The following CIT variants were observed in gnomAD, a reference collection of about 807,000 sequenced individuals.
CIT encodes the protein citron rho-interacting serine/threonine kinase, also known as citron Rho-interacting kinase.
Under a neutral mutation model 272.7 loss-of-function variants are expected in CIT, and 79 were observed. The observed-to-expected ratio is 0.29, with a 90% confidence interval of 0.24 to 0.35. The LOEUF is 0.35. Among genes scored for constraint, CIT ranks in the 10% least tolerant of loss-of-function variants. The pLI is 1.00. For missense variants in CIT, 1,909 were observed against 2,618.3 expected, an observed-to-expected ratio of 0.73 and a Z score of 5.91; for synonymous variants, 948 against 995.6, an observed-to-expected ratio of 0.95 and a Z score of 0.90.
chr12:119,823,090 A>T, intron 8 of CIT, 117 bp from the exon 9 acceptor site: 1 of 1,117,292 alleles, frequency 9.0e-7, no homozygotes, highest in South Asian at 1.7e-5. Flanking sequence ...TTTTTAGAGA[A>T]GGAAGTTTCG....
chr12:119,828,325 C>A (rs562924450), intron 7 of CIT, among the ~76,000 whole-genome samples: 1 of 152,138 alleles, frequency 6.6e-6, no homozygotes, highest in African/African-American at 2.4e-5. Flanking sequence ...AATTAACAAA[C>A]ATTTTTAATG....
chr12:119,722,386 T>G (rs749203631), intron 28 of CIT, among the ~76,000 whole-genome samples: 1 of 152,136 alleles, frequency 6.6e-6, no homozygotes, highest in Non-Finnish European at 1.5e-5. Flanking sequence ...CACTGGAGAT[T>G]CCAAAAGGCC....
chr12:119,752,240 A>G lies in CIT; in HGVS notation c.2714T>C (p.Leu905Pro). The change falls in exon 23 of 48, where the codon CTA becomes CCA. Residue 905 changes from leucine to proline, a missense_variant. Coordinates refer to ENST00000392521, the MANE Select transcript of CIT (RefSeq NM_001206999.2). ...CTCCAGTTTCTGCTCCTCGTGCTCTAGACTGACCTGAGACAGAGAGAGAGA... is the reference window on the plus strand; with the variant it reads ...CTCCAGTTTCTGCTCCTCGTGCTCTGGACTGACCTGAGACAGAGAGAGAGA... ...ELETRLREVS[L>P]EHEEQKLELK... 1 of 1,605,504 alleles carries G rather than the reference A, an allele frequency of 6.2e-7. No individual in the cohort carries two copies. The highest frequency in any genetic ancestry group is 8.5e-7 in the Non-Finnish European group (1 of 1,178,418).
chr12:119,709,034 G>A (rs528617651), intron 39 of CIT, among the ~76,000 whole-genome samples: 2 of 152,286 alleles, frequency 1.3e-5, no homozygotes, highest in Admixed American at 6.5e-5. Flanking sequence ...CAGATTAAAG[G>A]AGACTAGAGA....
In CIT at chr12:119,714,377, G is replaced by C. The variant is rs1024819393; in HGVS notation, c.4169-43C>G. 5.0e-6 allele frequency: 8 copies of C among 1,607,928 alleles called. No homozygotes were observed. In the Middle Eastern group the frequency reaches 6.6e-4, roughly 133 times the overall value. On this transcript the variant is annotated intron_variant, in intron 32 of 47. Transcript: ENST00000392521. ...AAAAAATCATTAGAGTACTGCAAAT[G>C]ATCCCATCAGGAAAGTGAAAAGACA...
At chr12:119,858,260 T>C (rs1040302517) in intron 3 of CIT, among the ~76,000 whole-genome samples, 1 of 152,220 alleles carries the variant, frequency 6.6e-6, no homozygotes, top group Non-Finnish European at 1.5e-5. Context: ...CTGACGCCTG[T>C]AATCCCAACA....
rs1157467178 is a variant in CIT, at chr12:119,862,808, T to TAAAAAAA, written c.239-5117_239-5111dup. 3.8e-3 allele frequency among the ~76,000 whole-genome samples: 39 copies of TAAAAAAA among 10,244 alleles called. 2 individuals are homozygous for TAAAAAAA. Among genetic ancestry groups the TAAAAAAA allele is most frequent in the African/African-American group, 0.011 (35 of 3,190 alleles). 6.7% of individuals were successfully genotyped at this position (10,244 alleles called of 152,430 possible). A position where few individuals can be genotyped will look rare whatever the true frequency, so the allele number is the denominator to read the frequency against. On this transcript the variant is annotated intron_variant, in intron 3 of 47. Transcript: ENST00000392521. ...CTGGGTGACAGAGCAAGACTCTACC[T>TAAAAAAA]AAAAAAAAAAAAAAAAAAAAAAAAA...
intron 17 of CIT, among the ~76,000 whole-genome samples, chr12:119,771,496 A>AC (rs765047463): frequency 6.6e-6 from 1 of 152,188 alleles, no homozygotes; most frequent in Non-Finnish European, 1.5e-5. Flanking sequence ...TGGAATGGCT[A>AC]CAGCACAGCA....
At chr12:119,707,984 T>G (rs1249168299) in intron 40 of CIT, among the ~76,000 whole-genome samples, 195 bp downstream of exon 40, 1 of 152,222 alleles carries the variant, frequency 6.6e-6, no homozygotes, top group Non-Finnish European at 1.5e-5. Context: ...GATACCCACA[T>G]AGTTTACAAT....
chr12:119,735,159 C>T lies in CIT; in HGVS notation c.3156+1G>A. 1 of 1,613,626 alleles carries T rather than the reference C, an allele frequency of 6.2e-7. No homozygotes were observed. Among genetic ancestry groups the T allele is most frequent in the Non-Finnish European group, 8.5e-7 (1 of 1,179,918 alleles). ...CTCACGACCTTGTTAACCCTCCTTA[C>T]TTGCTTCTGGCTGGTAAGCTGCATC... On this transcript the variant is annotated splice_donor_variant, in intron 25 of 47. Coordinates refer to ENST00000392521, the MANE Select transcript of CIT (RefSeq NM_001206999.2). LOFTEE classifies it high-confidence loss of function.
intron 23 of CIT, among the ~76,000 whole-genome samples, chr12:119,750,748 T>TATAGACAGATAG (rs1231975450): frequency 8.1e-5 from 12 of 147,870 alleles, no homozygotes; most frequent in African/African-American, 2.8e-4. Flanking sequence ...TATATATAGA[T>TATAGACAGATAG]ATAGATAGAT....
chr12:119,774,706 C>T (rs1292737694), intron 16 of CIT, among the ~76,000 whole-genome samples: 1 of 152,234 alleles, frequency 6.6e-6, no homozygotes, highest in Non-Finnish European at 1.5e-5. Context: ...GGTACAGTGG[C>T]TCATGCCTGT....
chr12:119,825,212 C>A lies in CIT; in HGVS notation c.910G>T (p.Ala304Ser). 3 of 1,614,032 alleles carry A rather than the reference C, an allele frequency of 1.9e-6. No homozygotes were observed. Among genetic ancestry groups the A allele is most frequent in the South Asian group, 1.1e-5 (1 of 91,068 alleles). Residue 304 changes from alanine (A) to serine (S), a missense_variant, in exon 8 of 48, where the codon GCA (alanine) becomes TCA (serine). Physicochemically the swap from Ala to Ser is moderately conservative, Grantham distance 99. Coordinates refer to ENST00000392521, the MANE Select transcript of CIT (RefSeq NM_001206999.2). ...AAGGTTCTGGCAGAGGTTCCCTCTG[C>A]GAAGGGGGATCTCCCATAAATCATC... is the stretch of plus-strand genomic sequence containing the variant. ...YEMIYGRSPF[A>S]EGTSARTFNN...
intron 9 of CIT, among the ~76,000 whole-genome samples, chr12:119,809,987 G>A (rs1451484735): frequency 2.0e-5 from 3 of 152,304 alleles, no homozygotes; most frequent in Non-Finnish European, 4.4e-5. Flanking sequence ...CCCATACCTC[G>A]CCCTATGCAT....
chr12:119,838,655 G>A (rs1186728559), intron 5 of CIT, among the ~76,000 whole-genome samples: 3 of 152,176 alleles, frequency 2.0e-5, no homozygotes, highest in Non-Finnish European at 2.9e-5. Context: ...CAATGCCCTT[G>A]ATGAAACGTG....
chr12:119,813,478 G>A (rs1406232486), intron 9 of CIT, among the ~76,000 whole-genome samples: 1 of 152,106 alleles, frequency 6.6e-6, no homozygotes, highest in Non-Finnish European at 1.5e-5. Flanking sequence ...GAGCATAACT[G>A]CAATCACCAC....
At chr12:119,727,534 A>C (rs912356390) in intron 28 of CIT, among the ~76,000 whole-genome samples, 3 of 152,196 alleles carry the variant, frequency 2.0e-5, no homozygotes, top group African/African-American at 7.2e-5. Flanking sequence ...GTACACGAAA[A>C]GCCCAGACTT....
Position 119,721,411 on chromosome 12 carries a change from A to G in CIT, c.3630T>C (p.Asn1210=). ...KLQQQMDLQK[N]HIFRLTQGLQ... ...GTCCTTGAGTCAGACGGAAAATGTG[A>G]TTTTTCTGCAGGTCCATCTGCTGCT... The change falls in exon 29 of 48, where the codon AAT becomes AAC. Residue 1210 remains asparagine (N), a synonymous_variant. Coordinates refer to ENST00000392521, the MANE Select transcript of CIT (RefSeq NM_001206999.2). 1 of 1,610,436 alleles carries G rather than the reference A, an allele frequency of 6.2e-7. No individual in the cohort carries two copies. Among genetic ancestry groups the G allele is most frequent in the East Asian group, 2.2e-5 (1 of 44,782 alleles).
chr12:119,712,609 C>G lies in CIT; in HGVS notation c.4666G>C (p.Ala1556Pro), dbSNP rs751322516. 1 of 1,614,116 alleles carries G rather than the reference C, an allele frequency of 6.2e-7. No homozygotes were observed. The highest frequency in any genetic ancestry group is 1.1e-5 in the South Asian group (1 of 91,080). Residue 1556 changes from alanine to proline, a missense_variant, in exon 36 of 48, where the codon GCA (alanine) becomes CCA (proline). Physicochemically the swap from Ala to Pro is conservative, Grantham distance 27. Coordinates refer to ENST00000392521, the MANE Select transcript of CIT (RefSeq NM_001206999.2). This position sits in a 1 kb window ranked among gnomAD's most constrained non-coding sequence, Gnocchi z 5.2. ...IHGAVGASEL[A>P]NTAKADVPYI... ...TCCTCACCTGCTTTGGCTGTATTTGCGAGTTCGGAAGCACCAACGGCACCA... is the reference window on the plus strand; with the variant it reads ...TCCTCACCTGCTTTGGCTGTATTTGGGAGTTCGGAAGCACCAACGGCACCA...
Sources: gnomAD v4.1 joint callset for allele counts (sites outside exome capture counted in the v4.1 genomes callset) on GRCh38, gnomAD v4.1.1 for gene constraint, Gnocchi (gnomAD v3.1) non-coding constraint, MANE v1.5 for transcripts, NCBI Gene and HGNC (gene_info 2026-07-23, HGNC 2026-07-21) for gene names.